The following VSIR variants were observed in gnomAD, a reference collection of about 807,000 sequenced individuals.
VSIR encodes V-set immunoregulatory receptor, also known as V-type immunoglobulin domain-containing suppressor of T-cell activation.
VSIR carries 10 observed loss-of-function variants against 31.0 expected under a neutral mutation model. The ratio of observed to expected loss-of-function variants is 0.32; its 90% CI spans 0.20 to 0.55. The LOEUF (loss-of-function observed/expected upper bound fraction) is 0.55, where lower values mean the gene tolerates loss of function less well. Among genes scored for constraint, VSIR ranks in the 20% least tolerant of loss-of-function variants. VSIR has a pLI of 0.93. For synonymous variants in VSIR, 179 were observed against 180.1 expected (o/e 0.99, Z 0.05); for missense variants, 356 against 416.2 (o/e 0.86, Z 1.26).
In VSIR at chr10:71,749,821, C is replaced by G. The variant is rs1278870806; in HGVS notation, c.*1432G>C. On this transcript the variant is annotated 3_prime_UTR_variant, in exon 7 of 7. Transcript: ENST00000394957. ...TCCCCTTTTCCATCCCCCCAACCCC[C>G]CAAGCAATTGGGCGAACATCTTCCC... is the stretch of plus-strand genomic sequence containing the variant. 6.6e-6 allele frequency: 1 copy of G among 152,356 alleles called. No homozygotes were observed. Among genetic ancestry groups the G allele is most frequent in the African/African-American group, 2.4e-5 (1 of 41,400 alleles). The allele number at this position is 152,356 out of a possible 1,614,324, so 9.4% of individuals were successfully genotyped here.
chr10:71,766,011 C>T (rs1461696867), intron 1 of VSIR, among the ~76,000 whole-genome samples: 1 of 152,142 alleles, frequency 6.6e-6, no homozygotes, highest in African/African-American at 2.4e-5. Context: ...GGAGGACACT[C>T]GAAGGCATGG....
chr10:71,755,611 G>C, intron 3 of VSIR, 145 bp from the exon 4 acceptor site: 3 of 745,338 alleles, frequency 4.0e-6, no homozygotes, highest in Non-Finnish European at 6.7e-6. Flanking sequence ...GCAACCTACA[G>C]AGGCATGGAA....
chr10:71,762,124 C>T, intron 1 of VSIR, 98 bp from the exon 2 acceptor site: 3 of 1,371,210 alleles, frequency 2.2e-6, no homozygotes, highest in African/African-American at 1.5e-5. Context: ...TACTTCCCAG[C>T]CACAGGCCAG....
rs1840113788 is a variant in VSIR, at chr10:71,755,434, A to AG, written c.600dup (p.Cys201LeufsTer41). On this transcript the variant is annotated frameshift_variant, in exon 4 of 7. Transcript: ENST00000394957. LOFTEE classifies it high-confidence loss of function. ...GGGAGGCAGAGGATTCCTACGATGCAGGCACCCGTAGCCAGGGCTGCAGCC... is the reference window on the plus strand; with the variant it reads ...GGGAGGCAGAGGATTCCTACGATGCAGGGCACCCGTAGCCAGGGCTGCAGCC... 6.2e-7 allele frequency: 1 copy of AG among 1,613,038 alleles called. No homozygotes were observed.
At chr10:71,752,565 C>A (rs1400482506) in intron 5 of VSIR, among the ~76,000 whole-genome samples, 1 of 152,220 alleles carries the variant, frequency 6.6e-6, no homozygotes, top group African/African-American at 2.4e-5. Flanking sequence ...CCCTCAGCCT[C>A]TGCCCTTGTG....
chr10:71,768,137 G>A (rs550616939), intron 1 of VSIR, among the ~76,000 whole-genome samples: 3 of 152,308 alleles, frequency 2.0e-5, no homozygotes, highest in Admixed American at 6.5e-5. Flanking sequence ...ATCATTCTAA[G>A]TGCTTGTTTG....
chr10:71,764,671 A>G (rs1276933988), intron 1 of VSIR, among the ~76,000 whole-genome samples: 3 of 151,848 alleles, frequency 2.0e-5, no homozygotes, highest in South Asian at 2.1e-4. Flanking sequence ...CGTCCGTACT[A>G]CTCCCTAATA....
intron 3 of VSIR, among the ~76,000 whole-genome samples, chr10:71,758,086 C>A (rs1219485779): frequency 6.6e-6 from 1 of 152,192 alleles, no homozygotes; most frequent in African/African-American, 2.4e-5. Flanking sequence ...GTAATCCCAG[C>A]ACTTTGGGGA....
chr10:71,765,129 G>A (rs543096300), intron 1 of VSIR, among the ~76,000 whole-genome samples: 3 of 152,296 alleles, frequency 2.0e-5, no homozygotes, highest in African/African-American at 7.2e-5. Context: ...GCCCCAAGGG[G>A]GCCCTGTGCT....
rs748504 is a variant in VSIR, at chr10:71,749,948, G to C, written c.*1305C>G. Reference sequence around the variant, plus strand: ...CCCAGGCTGGACTATGCTCTCCACAGTACCTGGGGCCCCCATCCTGCTAAA... The same window carrying C: ...CCCAGGCTGGACTATGCTCTCCACACTACCTGGGGCCCCCATCCTGCTAAA... On this transcript the variant is annotated 3_prime_UTR_variant, in exon 7 of 7. Coordinates refer to ENST00000394957, the MANE Select transcript of VSIR (RefSeq NM_022153.2). 6.6e-6 allele frequency: 1 copy of C among 152,022 alleles called. No homozygotes were observed. The highest frequency in any genetic ancestry group is 1.5e-5 in the Non-Finnish European group (1 of 68,078). The allele number at this position is 152,022 out of a possible 1,614,324, so 9.4% of individuals were successfully genotyped here. A position where few individuals can be genotyped will look rare whatever the true frequency, so the allele number is the denominator to read the frequency against.
chr10:71,766,022 C>T (rs1170232302), intron 1 of VSIR, among the ~76,000 whole-genome samples: 2 of 152,174 alleles, frequency 1.3e-5, no homozygotes, highest in African/African-American at 2.4e-5. Flanking sequence ...GAAGGCATGG[C>T]ATGGGGGAGA....
intron 1 of VSIR, among the ~76,000 whole-genome samples, chr10:71,765,686 C>G (rs556688850): frequency 6.6e-6 from 1 of 152,090 alleles, no homozygotes; most frequent in Admixed American, 6.5e-5. Flanking sequence ...TCAGGGAGTA[C>G]GGGAGAGGGG....
At chr10:71,753,034 G>C in intron 4 of VSIR, 32 bp from the exon 5 acceptor site, 1 of 1,608,440 alleles carries the variant, frequency 6.2e-7, no homozygotes, top group Non-Finnish European at 8.5e-7. Flanking sequence ...AGCTGGTCAT[G>C]GAAGGGAAGG....
At chr10:71,769,570 C>G (rs76959136) in intron 1 of VSIR, among the ~76,000 whole-genome samples, 1 of 151,576 alleles carries the variant, frequency 6.6e-6, no homozygotes, top group Non-Finnish European at 1.5e-5. Flanking sequence ...TAGGGAAACA[C>G]CATCATGGAA....
rs1326910459 is a variant in VSIR at position 71,759,962 on chromosome 10, CATATATAT to C, written c.568+898_568+905del. 3.4e-5 allele frequency among the ~76,000 whole-genome samples: 4 copies of C among 116,490 alleles called. 1 individual carries two copies. The highest frequency in any genetic ancestry group is 8.8e-5 in the African/African-American group (3 of 33,968). The allele number at this position is 116,490 out of a possible 152,430, so 76.4% of individuals were successfully genotyped here. On this transcript the variant is annotated intron_variant, in intron 3 of 6. Coordinates refer to ENST00000394957, the MANE Select transcript of VSIR (RefSeq NM_022153.2). ...ACACACACACATATATATACACACACATATATATACACACACACATATATATACACACA... is the reference window on the plus strand; with the variant it reads ...ACACACACACATATATATACACACACACACACACACATATATATACACACA...
chr10:71,764,013 T>C (rs1840466397), intron 1 of VSIR, among the ~76,000 whole-genome samples: 2 of 152,174 alleles, frequency 1.3e-5, no homozygotes, highest in African/African-American at 2.4e-5. Flanking sequence ...CCCCAGATTT[T>C]TGGAGTCATT....
chr10:71,772,866 C>A (rs891725054), intron 1 of VSIR, among the ~76,000 whole-genome samples: 2 of 152,164 alleles, frequency 1.3e-5, no homozygotes, highest in South Asian at 2.1e-4. Context: ...CCAGTGCCCA[C>A]CAAGGCTCAG....
chr10:71,761,017 T>C, intron 2 of VSIR, 93 bp from the exon 3 acceptor site: 3 of 1,291,446 alleles, frequency 2.3e-6, no homozygotes, highest in South Asian at 1.2e-5. Flanking sequence ...CTGCCCCAGG[T>C]TCTCACGCTA....
At chr10:71,766,237 GC>G (rs1840541008) in intron 1 of VSIR, among the ~76,000 whole-genome samples, 1 of 152,240 alleles carries the variant, frequency 6.6e-6, no homozygotes, top group South Asian at 2.1e-4. Flanking sequence ...GGGGAGGAAA[GC>G]CCCTGGCTCC....
Sources: allele counts gnomAD v4.1 joint callset (sites outside exome capture counted in the v4.1 genomes callset), GRCh38; gene constraint gnomAD v4.1.1; transcripts MANE v1.5; gene names NCBI Gene and HGNC (gene_info 2026-07-23, HGNC 2026-07-21).